The following ANKFY1 variants were observed in gnomAD, a reference collection of about 807,000 sequenced individuals.
The protein encoded by ANKFY1 is ankyrin repeat and FYVE domain-containing protein 1.
Under a neutral mutation model 128.3 loss-of-function variants are expected in ANKFY1, and 47 were observed. The ratio of observed to expected loss-of-function variants is 0.37; its 90% CI spans 0.29 to 0.47. The LOEUF (loss-of-function observed/expected upper bound fraction) is 0.47. Among genes scored for constraint, ANKFY1 ranks in the 20% least tolerant of loss-of-function variants. ANKFY1 has a pLI of 1.00. For synonymous variants in ANKFY1, 553 were observed against 601.6 expected, an observed-to-expected ratio of 0.92 and a Z score of 1.18; for missense variants, 1,222 against 1,510.6, an observed-to-expected ratio of 0.81 and a Z score of 3.17.
At chr17:4,235,352 A>AAG (rs1359762801) in intron 3 of ANKFY1, among the ~76,000 whole-genome samples, 2 of 151,478 alleles carry the variant, frequency 1.3e-5, no homozygotes, top group Admixed American at 6.6e-5. Flanking sequence ...AAAAAAAAAA[A>AAG]AAAGAAAAAA....
chr17:4,259,843 C>G (rs947269236), intron 1 of ANKFY1, among the ~76,000 whole-genome samples: 2 of 152,164 alleles, frequency 1.3e-5, no homozygotes, highest in African/African-American at 4.8e-5. Context: ...AGTTCCTGCC[C>G]TCATGGGGTT....
intron 21 of ANKFY1, 89 bp downstream of exon 21, chr17:4,173,265 T>G: frequency 7.7e-7 from 1 of 1,303,470 alleles, no homozygotes; most frequent in Non-Finnish European, 1.1e-6. Context: ...TTGCAGCTCC[T>G]CCCTGGGGCT....
intron 9 of ANKFY1, 94 bp downstream of exon 9, chr17:4,195,309 A>G (rs1042439765): frequency 7.0e-7 from 1 of 1,435,940 alleles, no homozygotes. Flanking sequence ...ACTTCTTAAT[A>G]TATGCAACAC....
At position 4,181,158 on chromosome 17, in the gene ANKFY1, TG is replaced by T; in HGVS notation, c.2240+95del. The stretch of plus-strand genomic sequence containing the variant: ...TAACTGTGAAAGTCAAGCCGGCTAC[TG>T]GCATGCCAAGACTATAGACGGATTT... On this transcript the variant is annotated intron_variant, in intron 16 of 24. Transcript: ENST00000341657. The surrounding 1 kb of genome is among the most constrained non-coding windows in gnomAD (Gnocchi z 4.9). 1 of 1,008,406 alleles carries T rather than the reference TG, an allele frequency of 9.9e-7. No individual in the cohort carries two copies. The highest frequency in any genetic ancestry group is 1.5e-6 in the Non-Finnish European group (1 of 651,998). 62.5% of individuals were successfully genotyped at this position (1,008,406 alleles called of 1,614,324 possible). A position where few individuals can be genotyped will look rare whatever the true frequency, so the allele number is the denominator to read the frequency against.
At chr17:4,263,759 C>T in intron 1 of ANKFY1, 173 bp downstream of exon 1, 1 of 1,523,960 alleles carries the variant, frequency 6.6e-7, no homozygotes, top group Non-Finnish European at 8.8e-7. Flanking sequence ...ATAGGAACCG[C>T]GCTCCGGACC....
At chr17:4,170,507 G>A (rs772208413) in intron 23 of ANKFY1, among the ~76,000 whole-genome samples, 4 of 152,188 alleles carry the variant, frequency 2.6e-5, no homozygotes, top group African/African-American at 9.7e-5. Context: ...ACAAGGCAGA[G>A]TGCTTTGAAA....
chr17:4,261,178 A>G (rs77539311), intron 1 of ANKFY1, among the ~76,000 whole-genome samples: 2,842 of 152,338 alleles, frequency 0.019, 90 homozygotes, highest in African/African-American at 0.065. Flanking sequence ...AAGTTGGGAC[A>G]CAAAAGAGGT....
At chr17:4,207,358 G>T (rs1000495809) in intron 6 of ANKFY1, among the ~76,000 whole-genome samples, 3 of 152,242 alleles carry the variant, frequency 2.0e-5, no homozygotes, top group African/African-American at 7.2e-5. Context: ...ATGAGCTAAG[G>T]AATGTGTGGA....
intron 1 of ANKFY1, among the ~76,000 whole-genome samples, chr17:4,250,952 G>A (rs1304449343): frequency 6.6e-6 from 1 of 152,110 alleles, no homozygotes; most frequent in African/African-American, 2.4e-5. Context: ...AAATTTGGGT[G>A]GAAATGCAAA....
intron 23 of ANKFY1, among the ~76,000 whole-genome samples, chr17:4,170,203 G>A (rs374572849): frequency 1.3e-5 from 2 of 152,222 alleles, no homozygotes; most frequent in East Asian, 3.8e-4. Flanking sequence ...TCTCCCCACT[G>A]TGGGTGATGA....
chr17:4,209,475 AT>A (rs2060087806), intron 5 of ANKFY1, among the ~76,000 whole-genome samples: 1 of 152,024 alleles, frequency 6.6e-6, no homozygotes, highest in South Asian at 2.1e-4. Flanking sequence ...TAATTTTTGT[AT>A]TTTTAGTAGA....
intron 7 of ANKFY1, 127 bp from the exon 8 acceptor site, chr17:4,197,704 T>C (rs1404902379): frequency 4.9e-6 from 4 of 816,598 alleles, no homozygotes; most frequent in Non-Finnish European, 7.9e-6. Flanking sequence ...AAGGAACCTC[T>C]TGGGGCATCT....
At chr17:4,242,621 G>A (rs749824039) in intron 1 of ANKFY1, among the ~76,000 whole-genome samples, 173 bp from the exon 2 acceptor site, 1 of 152,208 alleles carries the variant, frequency 6.6e-6, no homozygotes, top group South Asian at 2.1e-4. Flanking sequence ...GGCTGGGTAC[G>A]GTGGCTCACA....
intron 1 of ANKFY1, among the ~76,000 whole-genome samples, chr17:4,244,507 C>A (rs182505480): frequency 2.0e-5 from 3 of 152,288 alleles, no homozygotes; most frequent in Admixed American, 1.3e-4. Flanking sequence ...CGGCTCCACA[C>A]TGCTGCTACA....
intron 1 of ANKFY1, chr17:4,263,501 G>GAGAC: frequency 7.4e-7 from 1 of 1,358,100 alleles, no homozygotes; most frequent in Non-Finnish European, 9.9e-7. Context: ...CCAGCCCGAG[G>GAGAC]AGACCCACGC....
chr17:4,222,100 G>GGCGGCGGT (rs1399070646), intron 3 of ANKFY1: 1 of 151,090 alleles, frequency 6.6e-6, no homozygotes, highest in East Asian at 1.9e-4. Flanking sequence ...GCCAGGGGTA[G>GGCGGCGGT]GCGGCGGTGC....
At chr17:4,216,698 G>C (rs1025805237) in intron 4 of ANKFY1, 1 of 409,162 alleles carries the variant, frequency 2.4e-6, no homozygotes, top group Admixed American at 3.5e-5. Flanking sequence ...CTGAAAGTTT[G>C]GACATTGGAT....
At chr17:4,208,504 A>G (rs981370473) in intron 5 of ANKFY1, among the ~76,000 whole-genome samples, 2 of 152,222 alleles carry the variant, frequency 1.3e-5, no homozygotes, top group African/African-American at 4.8e-5. Context: ...TACAAAATCA[A>G]TTCCAACTTC....
chr17:4,257,702 T>C (rs1012534615), intron 1 of ANKFY1, among the ~76,000 whole-genome samples: 11 of 152,264 alleles, frequency 7.2e-5, no homozygotes, highest in Non-Finnish European at 1.5e-4. Flanking sequence ...TAGTTTCTCA[T>C]ATACAATTTC....
Sources: allele counts gnomAD v4.1 joint callset (sites outside exome capture counted in the v4.1 genomes callset), GRCh38; gene constraint gnomAD v4.1.1; non-coding constraint Gnocchi (gnomAD v3.1); transcripts MANE v1.5; gene names NCBI Gene and HGNC (gene_info 2026-07-23, HGNC 2026-07-21).